Variants in BTNL3 observed in about 807,000 individuals in gnomAD.
BTNL3 encodes the protein butyrophilin like 3.
In BTNL3, 20 loss-of-function variants were observed where a neutral mutation model predicts 40.1. The ratio of observed to expected loss-of-function variants is 0.50; its 90% CI spans 0.35 to 0.72. The LOEUF (loss-of-function observed/expected upper bound fraction) is 0.72, where lower values mean the gene tolerates loss of function less well. BTNL3 is among the 30% of genes least tolerant of loss of function. The probability of loss-of-function intolerance (pLI) is 0.01; values close to 1 mark genes in which losing one functional copy is unlikely to be tolerated. For synonymous variants in BTNL3, 179 were observed against 222.1 expected (o/e 0.81, Z 1.73); for missense variants, 449 against 582.2 (o/e 0.77, Z 2.35).
intron 2 of BTNL3, among the ~76,000 whole-genome samples, chr5:180,994,584 A>G (rs1232261095): frequency 7.4e-6 from 1 of 135,632 alleles, no homozygotes; most frequent in Non-Finnish European, 1.7e-5. Flanking sequence ...ACCTCATTTG[A>G]TTAGATCAGC....
At position 180,997,223 on chromosome 5, in the gene BTNL3, A is replaced by C. The variant is rs371364543; in HGVS notation, c.408A>C (p.Ser136=). The change falls in exon 3 of 8, where the codon TCA becomes TCC. Residue 136 remains serine (S), a synonymous_variant. Transcript: ENST00000342868. ...TWELRVAALG[S]LPLISIVGYV... ...CTGTTTTCTTCCCAGCACTGGGCTC[A>C]CTTCCTCTCATTTCCATCGTGGGAT... The C allele has an allele frequency of 1.4e-6, 2 of 1,464,018 alleles. 1 individual carries two copies. The highest frequency in any genetic ancestry group is 2.2e-5 in the South Asian group (2 of 89,296). The allele number at this position is 1,464,018 out of a possible 1,614,324, so 90.7% of individuals were successfully genotyped here.
intron 4 of BTNL3, 111 bp downstream of exon 4, chr5:181,002,896 C>A: frequency 8.1e-7 from 1 of 1,236,056 alleles, no homozygotes; most frequent in South Asian, 1.2e-5. Flanking sequence ...CCTAGGCCTA[C>A]AGGGGCCACC....
intron 3 of BTNL3, among the ~76,000 whole-genome samples, chr5:181,002,471 A>AAT (rs56895500): frequency 0.053 from 3,902 of 73,566 alleles, 320 homozygotes; most frequent in East Asian, 0.095. Flanking sequence ...CACACACGTG[A>AAT]ATATATATAT....
Position 181,005,978 on chromosome 5 carries a change from CAG to C in BTNL3, c.*111_*112del. The stretch of plus-strand genomic sequence containing the variant: ...CAGCTTCCTCTCCGGAGCCTGCGCA[CAG>C]AGAGTCACGCCCCCCACTCTCCTTT... On this transcript the variant is annotated 3_prime_UTR_variant, in exon 8 of 8. Coordinates refer to ENST00000342868, the MANE Select transcript of BTNL3 (RefSeq NM_197975.3). 1 of 1,250,136 alleles carries C rather than the reference CAG, an allele frequency of 8.0e-7. No individual in the cohort carries two copies. The highest frequency in any genetic ancestry group is 1.6e-5 in the South Asian group (1 of 62,574). The allele number at this position is 1,250,136 out of a possible 1,614,324, so 77.4% of individuals were successfully genotyped here.
chr5:181,003,807 A>C, intron 4 of BTNL3, 49 bp from the exon 5 acceptor site: 1 of 1,613,046 alleles, frequency 6.2e-7, no homozygotes, highest in Non-Finnish European at 8.5e-7. Flanking sequence ...TCGTGTTTGT[A>C]CCTTGCACAC....
At chr5:181,003,580 C>T (rs2113087573) in intron 4 of BTNL3, among the ~76,000 whole-genome samples, 1 of 141,884 alleles carries the variant, frequency 7.0e-6, no homozygotes, top group South Asian at 2.1e-4. Context: ...AGGCCACCCC[C>T]GCCTCCCCTC....
At position 181,006,284 on chromosome 5, in the gene BTNL3, A is replaced by G. The variant is rs1222196426; in HGVS notation, c.*412A>G. ...GACAACGAATGTGAATCATGCTTGC[A>G]GGTTTGAGGGCACAGTGTTTGCTAA... On this transcript the variant is annotated 3_prime_UTR_variant, in exon 8 of 8. Coordinates refer to ENST00000342868, the MANE Select transcript of BTNL3 (RefSeq NM_197975.3). 1.4e-5 allele frequency: 5 copies of G among 366,634 alleles called. No homozygotes were observed. The highest frequency in any genetic ancestry group is 2.4e-5 in the Non-Finnish European group (5 of 206,678). 22.7% of individuals were successfully genotyped at this position (366,634 alleles called of 1,614,324 possible). A position where few individuals can be genotyped will look rare whatever the true frequency, so the allele number is the denominator to read the frequency against.
Position 180,990,216 on chromosome 5 carries a change from G to A in BTNL3, c.49+1139G>A, listed in dbSNP as rs1056278219. Among the ~76,000 whole-genome samples, 10 of 137,032 alleles carry A rather than the reference G, an allele frequency of 7.3e-5. 3 individuals carry two copies. The highest frequency in any genetic ancestry group is 2.3e-4 in the African/African-American group (9 of 39,836). The allele number at this position is 137,032 out of a possible 152,430, so 89.9% of individuals were successfully genotyped here. A position where few individuals can be genotyped will look rare whatever the true frequency, so the allele number is the denominator to read the frequency against. On this transcript the variant is annotated intron_variant, in intron 1 of 7. Coordinates refer to ENST00000342868, the MANE Select transcript of BTNL3 (RefSeq NM_197975.3). The stretch of plus-strand genomic sequence containing the variant: ...GTATGTTACTCACAAGACAGCCTCC[G>A]TTTAAGTACATTCTCACCCATTTTC...
At chr5:181,002,026 A>G (rs1294828913) in intron 3 of BTNL3, among the ~76,000 whole-genome samples, 1 of 135,508 alleles carries the variant, frequency 7.4e-6, no homozygotes, top group Non-Finnish European at 1.7e-5. Context: ...TCCAAAGTTT[A>G]TGTGGCAAAA....
At position 180,993,042 on chromosome 5, in the gene BTNL3, A is replaced by AG. The variant is rs745883067; in HGVS notation, c.285dup (p.Arg96AlafsTer28). The stretch of plus-strand genomic sequence containing the variant: ...CTGAGTTTGTGAAGGACTCCATTGC[A>AG]GGGGGGCGTGTCTCTCTAAGGCTAA... On this transcript the variant is annotated frameshift_variant, in exon 2 of 8. Transcript: ENST00000342868. LOFTEE classifies it high-confidence loss of function. 13 of 1,457,390 alleles carry AG rather than the reference A, an allele frequency of 8.9e-6. 1 individual carries two copies. Among genetic ancestry groups the AG allele is most frequent in the Middle Eastern group, 1.8e-4 (1 of 5,704 alleles). The allele number at this position is 1,457,390 out of a possible 1,614,324, so 90.3% of individuals were successfully genotyped here.
chr5:181,004,111 C>T, intron 5 of BTNL3: 3 of 1,366,764 alleles, frequency 2.2e-6, no homozygotes, highest in Non-Finnish European at 3.0e-6. Flanking sequence ...TGCCTGTTGC[C>T]CGTTGGTTTG....
rs769112717 is a variant in BTNL3, at chr5:180,997,498, GAGA to G, written c.673+13_673+15del. The G allele has an allele frequency of 7.5e-6, 11 of 1,463,414 alleles. 2 individuals carry two copies. Among genetic ancestry groups the G allele is most frequent in the Non-Finnish European group, 8.5e-6 (9 of 1,058,984 alleles). The allele number at this position is 1,463,414 out of a possible 1,614,324, so 90.7% of individuals were successfully genotyped here. ...AAGGTATTGATAGGAGGTGAGTGGG[GAGA>G]AGGAGGAGCAAGGAATGGGTGTGTG... is the stretch of plus-strand genomic sequence containing the variant. On this transcript the variant is annotated intron_variant, in intron 3 of 7. Coordinates refer to ENST00000342868, the MANE Select transcript of BTNL3 (RefSeq NM_197975.3).
In BTNL3 at chr5:180,995,802, G is replaced by A. The variant is rs535703768; in HGVS notation, c.398-1411G>A. Among the ~76,000 whole-genome samples the A allele has an allele frequency of 1.9e-4, 26 of 135,938 alleles. 5 individuals carry two copies. The highest frequency in any genetic ancestry group is 6.1e-4 in the African/African-American group (24 of 39,630). 89.2% of individuals were successfully genotyped at this position (135,938 alleles called of 152,430 possible). On this transcript the variant is annotated intron_variant, in intron 2 of 7. Transcript: ENST00000342868. ...ACTTCTGCTGGAGGTGGGAGTGGGG[G>A]AGTGGTCATAGGATGCTCAGCTGCT...
At chr5:180,997,063 GAC>G in intron 2 of BTNL3, 148 bp from the exon 3 acceptor site, 2 of 1,138,034 alleles carry the variant, frequency 1.8e-6, no homozygotes, top group South Asian at 2.7e-5. Context: ...GTGTGTAAGA[GAC>G]AGAGAGAAAA....
chr5:180,999,156 C>A, intron 3 of BTNL3, among the ~76,000 whole-genome samples: 1 of 135,588 alleles, frequency 7.4e-6, no homozygotes. Context: ...TCCTTTAATG[C>A]TTAAATGTTC....
chr5:181,004,113 G>T, intron 5 of BTNL3: 3 of 1,362,724 alleles, frequency 2.2e-6, no homozygotes, highest in South Asian at 2.8e-5. Flanking sequence ...CCTGTTGCCC[G>T]TTGGTTTGCT....
Position 180,997,308 on chromosome 5 carries a change from G to A in BTNL3, c.493G>A (p.Ala165Thr). The A allele has an allele frequency of 6.8e-7, 1 of 1,464,742 alleles. No homozygotes were observed. The highest frequency in any genetic ancestry group is 9.4e-7 in the Non-Finnish European group (1 of 1,059,500). 90.7% of individuals were successfully genotyped at this position (1,464,742 alleles called of 1,614,324 possible). ...LSSGWFPQPTAKWKGPQGQDL... is the reference protein window; with the variant it reads ...LSSGWFPQPTTKWKGPQGQDL... ...CTCAGGCTGGTTCCCCCAGCCCACA[G>A]CCAAGTGGAAAGGTCCACAAGGACA... Residue 165 changes from alanine (A) to threonine (T), a missense_variant, in exon 3 of 8, where the codon GCC becomes ACC. Ala to Thr is a moderately conservative substitution (Grantham distance 58). Transcript: ENST00000342868.
At position 180,994,879 on chromosome 5, in the gene BTNL3, G is replaced by A. The variant is rs967153798; in HGVS notation, c.397+1719G>A. On this transcript the variant is annotated intron_variant, in intron 2 of 7. Transcript: ENST00000342868. ...TCGCTCACTGCAAGCTCTGCCTTCC[G>A]GGTTCACGCCATTCTCCTGCCTCAG... Among the ~76,000 whole-genome samples the A allele has an allele frequency of 9.0e-5, 12 of 133,918 alleles. 2 individuals are homozygous for A. Among genetic ancestry groups the A allele is most frequent in the South Asian group, 2.2e-4 (1 of 4,504 alleles). 87.9% of individuals were successfully genotyped at this position (133,918 alleles called of 152,430 possible).
rs1278877179 is a variant in BTNL3 at position 180,991,850 on chromosome 5, TG to T, written c.50-958del. On this transcript the variant is annotated intron_variant, in intron 1 of 7. Coordinates refer to ENST00000342868, the MANE Select transcript of BTNL3 (RefSeq NM_197975.3). The stretch of plus-strand genomic sequence containing the variant: ...AAGCCATGTTGATAAAGCACTAGAG[TG>T]GGGGTGTCCAATCTTTTGCCTTCCC... Among the ~76,000 whole-genome samples the T allele has an allele frequency of 3.7e-5, 5 of 134,974 alleles. 1 individual carries two copies. The highest frequency in any genetic ancestry group is 1.3e-4 in the African/African-American group (5 of 39,100). The allele number at this position is 134,974 out of a possible 152,430, so 88.5% of individuals were successfully genotyped here.
Sources: allele counts gnomAD v4.1 joint callset (sites outside exome capture counted in the v4.1 genomes callset), GRCh38; gene constraint gnomAD v4.1.1; transcripts MANE v1.5; gene names NCBI Gene and HGNC (gene_info 2026-07-23, HGNC 2026-07-21).